Variants in STPG2 observed in about 807,000 individuals in gnomAD.
The protein encoded by STPG2 is sperm tail PG-rich repeat containing 2.
Under a neutral mutation model 54.2 loss-of-function variants are expected in STPG2, and 56 were observed. The ratio of observed to expected loss-of-function variants is 1.03; its 90% CI spans 0.83 to 1.29. The LOEUF (loss-of-function observed/expected upper bound fraction) is 1.29. STPG2 is among the 50% of genes most tolerant of loss of function. The pLI is 0.00. For missense variants in STPG2, 596 were observed against 544.9 expected, an observed-to-expected ratio of 1.09 and a Z score of -0.93; for synonymous variants, 200 against 181.8, an observed-to-expected ratio of 1.10 and a Z score of -0.81.
intron 9 of STPG2, among the ~76,000 whole-genome samples, chr4:97,813,898 G>T (rs761471506): frequency 2.6e-5 from 4 of 151,874 alleles, no homozygotes; most frequent in Non-Finnish European, 2.9e-5. Context: ...TTCAGCTAAG[G>T]TTAGGTCATT....
chr4:98,029,702 C>A (rs1167105733), intron 5 of STPG2, among the ~76,000 whole-genome samples: 1 of 152,054 alleles, frequency 6.6e-6, no homozygotes, highest in African/African-American at 2.4e-5. Context: ...TTGGTACTTT[C>A]CAGAGGCTTT....
intron 8 of STPG2, among the ~76,000 whole-genome samples, chr4:97,862,804 A>G (rs1157225600): frequency 4.6e-5 from 7 of 152,188 alleles, no homozygotes; most frequent in Admixed American, 1.3e-4. Context: ...ACTCAAAACC[A>G]CTCAACTACA....
At chr4:98,133,095 G>A (rs1234851107) in intron 2 of STPG2, among the ~76,000 whole-genome samples, 1 of 151,884 alleles carries the variant, frequency 6.6e-6, no homozygotes, top group African/African-American at 2.4e-5. Context: ...CAACAGCTTG[G>A]TTTTATGTTC....
At chr4:97,857,879 G>C (rs1025012834) in intron 8 of STPG2, among the ~76,000 whole-genome samples, 1 of 151,996 alleles carries the variant, frequency 6.6e-6, no homozygotes, top group Non-Finnish European at 1.5e-5. Context: ...ACTTTCTAGA[G>C]TTGAAACATG....
intron 5 of STPG2, among the ~76,000 whole-genome samples, chr4:98,071,968 A>G (rs1056571544): frequency 1.1e-4 from 16 of 152,188 alleles, no homozygotes; most frequent in Non-Finnish European, 2.2e-4. Context: ...TGGGAGTGTA[A>G]ACTAGTTCAA....
chr4:97,661,867 C>A (rs1326608425), intron 10 of STPG2, among the ~76,000 whole-genome samples: 3 of 152,110 alleles, frequency 2.0e-5, no homozygotes, highest in African/African-American at 7.2e-5. Context: ...CTTTGGCAAG[C>A]ATTGCCAAGA....
At chr4:97,832,329 A>G (rs1728493819) in intron 9 of STPG2, among the ~76,000 whole-genome samples, 1 of 152,166 alleles carries the variant, frequency 6.6e-6, no homozygotes, top group Admixed American at 6.5e-5. Flanking sequence ...TTCATGCTAA[A>G]CACTCTCCAT....
At position 97,577,615 on chromosome 4, in the gene STPG2, CT is replaced by C. The variant is rs369965257; in HGVS notation, c.1321-18499del. On this transcript the variant is annotated intron_variant, in intron 10 of 10. Transcript: ENST00000295268. ...GAGGGAGGTGGTAAGGACTGAAAAA[CT>C]ACCTATTGGGTATTATGCTCAGTAC... Among the ~76,000 whole-genome samples the C allele has an allele frequency of 6.6e-5, 10 of 152,222 alleles. No homozygotes were observed. The East Asian group carries it at 1.9e-3, about 29-fold the overall frequency.
At chr4:97,929,446 T>A (rs1175002195) in intron 8 of STPG2, among the ~76,000 whole-genome samples, 9 of 152,180 alleles carry the variant, frequency 5.9e-5, no homozygotes, top group Admixed American at 5.2e-4. Context: ...TTTGGGGAAT[T>A]GCCACACTGT....
At chr4:97,863,642 C>CA (rs1013350957) in intron 8 of STPG2, among the ~76,000 whole-genome samples, 3 of 151,830 alleles carry the variant, frequency 2.0e-5, no homozygotes, top group Non-Finnish European at 4.4e-5. Context: ...AGAGACACAA[C>CA]AAAAAAAGAG....
At chr4:97,822,172 C>A (rs1332294959) in intron 9 of STPG2, among the ~76,000 whole-genome samples, 4 of 152,128 alleles carry the variant, frequency 2.6e-5, no homozygotes, top group Non-Finnish European at 5.9e-5. Flanking sequence ...GCAAACAGGC[C>A]ATTTCTTAAA....
chr4:97,979,602 C>T (rs750331342), intron 6 of STPG2, among the ~76,000 whole-genome samples: 9 of 152,100 alleles, frequency 5.9e-5, no homozygotes, highest in South Asian at 4.1e-4. Flanking sequence ...TGACAAGACC[C>T]GGGGCTGGGA....
At chr4:97,480,039 T>C (rs1055293709) in intron 4 of STPG2, among the ~76,000 whole-genome samples, 3 of 151,734 alleles carry the variant, frequency 2.0e-5, no homozygotes, top group Admixed American at 6.6e-5. Flanking sequence ...AAACTGGTTC[T>C]TTGAAAAGAT....
chr4:97,739,198 G>T (rs1160414777), intron 9 of STPG2, among the ~76,000 whole-genome samples: 1 of 151,702 alleles, frequency 6.6e-6, no homozygotes, highest in Admixed American at 6.6e-5. Context: ...AGAATCTCTG[G>T]GACACATTCA....
chr4:97,965,313 T>A (rs989084793), intron 7 of STPG2, among the ~76,000 whole-genome samples: 1 of 152,090 alleles, frequency 6.6e-6, no homozygotes, highest in African/African-American at 2.4e-5. Context: ...TGCTGAGGCT[T>A]GAGTAGGTAA....
intron 8 of STPG2, among the ~76,000 whole-genome samples, chr4:97,872,035 C>T (rs1730009250): frequency 2.0e-5 from 3 of 151,048 alleles, no homozygotes; most frequent in Admixed American, 2.0e-4. Flanking sequence ...CTAAAAAGAA[C>T]AGTCATATGA....
chr4:97,497,047 GC>G (rs1175448117), intron 4 of STPG2, among the ~76,000 whole-genome samples: 3 of 148,594 alleles, frequency 2.0e-5, no homozygotes, highest in African/African-American at 7.4e-5. Flanking sequence ...GAAAAAAGAA[GC>G]ATTATTAAAG....
chr4:97,677,568 T>C (rs1722889416), intron 10 of STPG2, among the ~76,000 whole-genome samples: 2 of 152,212 alleles, frequency 1.3e-5, no homozygotes, highest in Non-Finnish European at 2.9e-5. Flanking sequence ...GTACTGGCCA[T>C]TAGCAAGTAA....
intron 9 of STPG2, among the ~76,000 whole-genome samples, chr4:97,730,214 C>G (rs184011622): frequency 5.3e-5 from 8 of 152,222 alleles, no homozygotes; most frequent in Admixed American, 3.9e-4. Context: ...TCCACCTGTA[C>G]CCAGTGTTTA....
Sources: gnomAD v4.1 joint callset for allele counts (sites outside exome capture counted in the v4.1 genomes callset) on GRCh38, gnomAD v4.1.1 for gene constraint, MANE v1.5 for transcripts, NCBI Gene and HGNC (gene_info 2026-07-23, HGNC 2026-07-21) for gene names.